The following VAV2 variants were observed in gnomAD, a reference collection of about 807,000 sequenced individuals.
VAV2 encodes the protein vav guanine nucleotide exchange factor 2.
In VAV2, 67 loss-of-function variants were observed where a neutral mutation model predicts 132.5. That is an observed-to-expected ratio of 0.51 (90% CI 0.42 to 0.62). The LOEUF (loss-of-function observed/expected upper bound fraction) is 0.62. Among genes scored for constraint, VAV2 ranks in the 20% least tolerant of loss-of-function variants. VAV2 has a pLI of 0.00. For synonymous variants in VAV2, 492 were observed against 443.5 expected, an observed-to-expected ratio of 1.11 and a Z score of -1.37; for missense variants, 938 against 1,153.6, an observed-to-expected ratio of 0.81 and a Z score of 2.71.
Position 133,768,150 on chromosome 9 carries a change from C to T in VAV2, c.2589+292G>A, listed in dbSNP as rs541214975. Among the ~76,000 whole-genome samples, 6 of 152,210 alleles carry T rather than the reference C, an allele frequency of 3.9e-5. No individual in the cohort carries two copies. Among genetic ancestry groups the T allele is most frequent in the Admixed American group, 6.5e-5 (1 of 15,292 alleles). The stretch of plus-strand genomic sequence containing the variant: ...TGGCGAGTGCAGCTATGAGGGCAGC[C>T]CAGAATAAAAATGGAACAGGGTCGG... On this transcript the variant is annotated intron_variant, in intron 29 of 29. Coordinates refer to ENST00000371850, the MANE Select transcript of VAV2 (RefSeq NM_001134398.2). This position sits in a 1 kb window ranked among gnomAD's most constrained non-coding sequence, Gnocchi z 5.3.
At chr9:133,795,110 G>A (rs1164332965) in intron 12 of VAV2, among the ~76,000 whole-genome samples, 4 of 152,198 alleles carry the variant, frequency 2.6e-5, no homozygotes, top group African/African-American at 4.8e-5. Flanking sequence ...GCAGAAGGCC[G>A]GGAGTGCCAG....
chr9:133,858,817 C>T (rs1030050106), intron 3 of VAV2, among the ~76,000 whole-genome samples: 1 of 152,214 alleles, frequency 6.6e-6, no homozygotes, highest in African/African-American at 2.4e-5. Context: ...AGCCCTGGCT[C>T]GTCACACCTC....
intron 2 of VAV2, among the ~76,000 whole-genome samples, chr9:133,886,559 G>C (rs1838717634): frequency 6.6e-6 from 1 of 152,212 alleles, no homozygotes; most frequent in Non-Finnish European, 1.5e-5. Flanking sequence ...CGGAGTCAGT[G>C]AGGCCCACGT....
chr9:133,781,582 T>C (rs1358041503), intron 19 of VAV2, among the ~76,000 whole-genome samples: 1 of 152,060 alleles, frequency 6.6e-6, no homozygotes, highest in Non-Finnish European at 1.5e-5. Context: ...CTCCGGGACA[T>C]CTCGGCCCCC....
At chr9:133,813,560 C>T (rs1309436202) in intron 4 of VAV2, among the ~76,000 whole-genome samples, 1 of 152,252 alleles carries the variant, frequency 6.6e-6, no homozygotes, top group Non-Finnish European at 1.5e-5. Context: ...ACAAGCCACA[C>T]GGCGTCCGTC....
chr9:133,905,013 T>C (rs1046085384), intron 2 of VAV2, among the ~76,000 whole-genome samples: 5 of 152,180 alleles, frequency 3.3e-5, no homozygotes, highest in African/African-American at 1.2e-4. Context: ...ATCTTGTGGC[T>C]TGGGCAGTGC....
At chr9:133,938,828 C>T (rs1021507221) in intron 2 of VAV2, among the ~76,000 whole-genome samples, 5 of 152,182 alleles carry the variant, frequency 3.3e-5, no homozygotes, top group African/African-American at 1.2e-4. Flanking sequence ...TCTGCTCTTC[C>T]CCCACCCGCC....
chr9:133,796,213 C>CT (rs779671518), intron 11 of VAV2, among the ~76,000 whole-genome samples: 7 of 152,190 alleles, frequency 4.6e-5, no homozygotes, highest in African/African-American at 1.4e-4. Context: ...TTTCTGACCT[C>CT]TTTAGTGATT....
intron 12 of VAV2, 87 bp downstream of exon 12, chr9:133,795,581 G>T: frequency 6.6e-7 from 1 of 1,512,184 alleles, no homozygotes. Flanking sequence ...AGTCAAAACT[G>T]AGGCTCGTTA....
At chr9:133,847,009 G>A (rs778007854) in intron 3 of VAV2, among the ~76,000 whole-genome samples, 3 of 152,200 alleles carry the variant, frequency 2.0e-5, no homozygotes, top group Non-Finnish European at 2.9e-5. Context: ...GGTGCCAGCC[G>A]TGGGCCTGAA....
intron 1 of VAV2, among the ~76,000 whole-genome samples, chr9:133,956,386 T>A (rs1454225310): frequency 6.6e-6 from 1 of 152,094 alleles, no homozygotes; most frequent in Non-Finnish European, 1.5e-5. Flanking sequence ...GCCCAGCGGG[T>A]CTGGGGGCCT....
At chr9:133,862,010 C>T (rs1185248675) in intron 2 of VAV2, among the ~76,000 whole-genome samples, 4 of 152,248 alleles carry the variant, frequency 2.6e-5, no homozygotes, top group South Asian at 2.1e-4. Context: ...ATGGAGGGCT[C>T]GGGATGCAGA....
Position 133,961,643 on chromosome 9 carries a change from C to CA in VAV2, c.205-22425dup, listed in dbSNP as rs1416701404. Among the ~76,000 whole-genome samples the CA allele has an allele frequency of 2.0e-5, 3 of 152,188 alleles. No individual in the cohort carries two copies. The highest frequency in any genetic ancestry group is 4.4e-5 in the Non-Finnish European group (3 of 68,036). ...GGCCCAGCCCAGGTGCTCCAGTCCC[C>CA]AGAGCACGCATAAGCCTCAGCCAGT... On this transcript the variant is annotated intron_variant, in intron 1 of 29. Coordinates refer to ENST00000371850, the MANE Select transcript of VAV2 (RefSeq NM_001134398.2). The surrounding 1 kb of genome is among the most constrained non-coding windows in gnomAD (Gnocchi z 4.1).
chr9:133,979,545 G>C (rs971017697), intron 1 of VAV2, among the ~76,000 whole-genome samples: 10 of 152,198 alleles, frequency 6.6e-5, no homozygotes, highest in African/African-American at 2.4e-4. Context: ...TTGACAGGGA[G>C]GGAGGACAAG....
intron 20 of VAV2, among the ~76,000 whole-genome samples, chr9:133,780,211 T>C (rs543801155): frequency 6.6e-6 from 1 of 152,344 alleles, no homozygotes; most frequent in South Asian, 2.1e-4. Context: ...AAGCCTGCCC[T>C]GACCACCTGC....
intron 1 of VAV2, among the ~76,000 whole-genome samples, chr9:133,946,965 G>T (rs963504433): frequency 2.6e-5 from 4 of 152,158 alleles, no homozygotes; most frequent in African/African-American, 9.7e-5. Context: ...CATCACACGG[G>T]CTCAGTATCT....
chr9:133,820,769 G>T (rs952878068), intron 4 of VAV2, among the ~76,000 whole-genome samples: 10 of 152,212 alleles, frequency 6.6e-5, no homozygotes, highest in African/African-American at 2.4e-4. Flanking sequence ...AACCCTCAGG[G>T]GCTGGGCTGG....
At chr9:133,880,853 G>C (rs1413518073) in intron 2 of VAV2, among the ~76,000 whole-genome samples, 1 of 152,252 alleles carries the variant, frequency 6.6e-6, no homozygotes, top group Admixed American at 6.5e-5. Flanking sequence ...AGGTCAGGTG[G>C]GCAGCAGGTC....
Position 133,810,030 on chromosome 9 carries a change from G to C in VAV2, c.567+161C>G, listed in dbSNP as rs369455345. The stretch of plus-strand genomic sequence containing the variant: ...GATGGGGCTGTGGGTACAGGACCAC[G>C]GGGGTGCCGAGGGTCTCTGATGCCT... On this transcript the variant is annotated intron_variant, in intron 6 of 29. Coordinates refer to ENST00000371850, the MANE Select transcript of VAV2 (RefSeq NM_001134398.2). Among the ~76,000 whole-genome samples, 6 of 151,908 alleles carry C rather than the reference G, an allele frequency of 3.9e-5. No homozygotes were observed. In the South Asian group the frequency reaches 1.0e-3, roughly 26 times the overall value.
Sources: gnomAD v4.1 joint callset for allele counts (sites outside exome capture counted in the v4.1 genomes callset) on GRCh38, gnomAD v4.1.1 for gene constraint, Gnocchi (gnomAD v3.1) non-coding constraint, MANE v1.5 for transcripts, NCBI Gene and HGNC (gene_info 2026-07-23, HGNC 2026-07-21) for gene names.